The following SLC39A11 variants were observed in gnomAD, a reference collection of about 807,000 sequenced individuals.
The protein encoded by SLC39A11 is solute carrier family 39 member 11.
SLC39A11 carries 33 observed loss-of-function variants against 36.1 expected under a neutral mutation model. That is an observed-to-expected ratio of 0.91 (90% confidence interval 0.69 to 1.22). SLC39A11 has a LOEUF of 1.22. Among genes scored for constraint, SLC39A11 ranks in the 50% most tolerant of loss-of-function variants. The pLI is 0.00. For missense variants in SLC39A11, 432 were observed against 430.3 expected (o/e 1.00, Z -0.03); for synonymous variants, 166 against 170.3 (o/e 0.97, Z 0.20).
chr17:72,995,056 G>A (rs550635919), intron 4 of SLC39A11, among the ~76,000 whole-genome samples: 1 of 152,150 alleles, frequency 6.6e-6, no homozygotes, highest in Non-Finnish European at 1.5e-5. Flanking sequence ...CAGAGAGTTA[G>A]ATTATATATG....
intron 7 of SLC39A11, among the ~76,000 whole-genome samples, chr17:72,677,868 A>G (rs2071341443): frequency 6.6e-6 from 1 of 152,132 alleles, no homozygotes; most frequent in South Asian, 2.1e-4. Context: ...GGAGGGAGAG[A>G]AGGCTACCGA....
At chr17:72,806,628 A>G in intron 6 of SLC39A11, among the ~76,000 whole-genome samples, 1 of 151,918 alleles carries the variant, frequency 6.6e-6, no homozygotes, top group Admixed American at 6.6e-5. Flanking sequence ...TGTCGCCCAG[A>G]CTGGAGTAGA....
chr17:72,652,355 C>T (rs529888714), intron 7 of SLC39A11, among the ~76,000 whole-genome samples: 1 of 152,332 alleles, frequency 6.6e-6, no homozygotes, highest in African/African-American at 2.4e-5. Flanking sequence ...TGCAGTCTGA[C>T]TTCTTCTGTC....
intron 4 of SLC39A11, among the ~76,000 whole-genome samples, chr17:72,971,566 C>T (rs1256762135): frequency 1.3e-5 from 2 of 152,178 alleles, no homozygotes; most frequent in East Asian, 3.8e-4. Flanking sequence ...GAGAGTCTGC[C>T]ATCAGCACTT....
At chr17:72,844,279 A>C (rs1399040590) in intron 6 of SLC39A11, among the ~76,000 whole-genome samples, 2 of 152,176 alleles carry the variant, frequency 1.3e-5, no homozygotes, top group African/African-American at 2.4e-5. Flanking sequence ...GGAGCTGAAG[A>C]CTTGAGGAAT....
At chr17:72,699,035 T>G (rs1462387555) in intron 7 of SLC39A11, among the ~76,000 whole-genome samples, 1 of 152,132 alleles carries the variant, frequency 6.6e-6, no homozygotes, top group Admixed American at 6.5e-5. Context: ...TTCACCATGT[T>G]AGCCAGGATG....
intron 5 of SLC39A11, among the ~76,000 whole-genome samples, chr17:72,894,143 C>G (rs1169931861): frequency 4.6e-5 from 7 of 151,974 alleles, no homozygotes; most frequent in Non-Finnish European, 8.8e-5. Flanking sequence ...GGAAGGATCA[C>G]TTGGGCCCAG....
intron 6 of SLC39A11, among the ~76,000 whole-genome samples, chr17:72,762,454 G>A (rs2075621957): frequency 6.6e-6 from 1 of 152,162 alleles, no homozygotes; most frequent in African/African-American, 2.4e-5. Context: ...GGAACCCTCA[G>A]TTCTGGGAAT....
At chr17:72,973,815 A>C (rs1003145634) in intron 4 of SLC39A11, among the ~76,000 whole-genome samples, 1 of 151,972 alleles carries the variant, frequency 6.6e-6, no homozygotes, top group Non-Finnish European at 1.5e-5. Context: ...CGTACCTCGG[A>C]CTCCCAAAGT....
intron 3 of SLC39A11, among the ~76,000 whole-genome samples, chr17:73,033,667 A>G (rs939346155): frequency 1.3e-5 from 2 of 152,222 alleles, no homozygotes; most frequent in South Asian, 4.1e-4. Context: ...TTTTGGCTAG[A>G]GTACACCCAC....
At chr17:72,861,669 ATATAT>A (rs1456801057) in intron 5 of SLC39A11, among the ~76,000 whole-genome samples, 7 of 111,870 alleles carry the variant, frequency 6.3e-5, no homozygotes, top group Non-Finnish European at 8.8e-5. Context: ...ATATATATAT[ATATAT>A]ATATATATAT....
intron 6 of SLC39A11, among the ~76,000 whole-genome samples, chr17:72,754,026 A>G (rs9709097): frequency 3.1e-4 from 22 of 70,432 alleles, no homozygotes; most frequent in Admixed American, 7.0e-4. Flanking sequence ...ATATGTATAT[A>G]TATATATATA....
intron 7 of SLC39A11, among the ~76,000 whole-genome samples, chr17:72,722,391 T>C (rs2073723008): frequency 6.6e-6 from 1 of 152,140 alleles, no homozygotes; most frequent in Non-Finnish European, 1.5e-5. Flanking sequence ...AGAGTCCAGA[T>C]CATCTTGTCG....
At position 72,771,780 on chromosome 17, in the gene SLC39A11, C is replaced by T. The variant is rs758306994; in HGVS notation, c.602-35061G>A. ...TGATTTTTATCTTTTACATGTCAAACGATCAAGGAAAATGCAACGTCTCAC... is the reference window on the plus strand; with the variant it reads ...TGATTTTTATCTTTTACATGTCAAATGATCAAGGAAAATGCAACGTCTCAC... On this transcript the variant is annotated intron_variant, in intron 6 of 9. Coordinates refer to ENST00000255559, the MANE Select transcript of SLC39A11 (RefSeq NM_139177.4). 4.6e-5 allele frequency among the ~76,000 whole-genome samples: 7 copies of T among 152,132 alleles called. No individual in the cohort carries two copies. The East Asian group carries it at 7.7e-4, about 17-fold the overall frequency.
intron 5 of SLC39A11, among the ~76,000 whole-genome samples, chr17:72,941,255 A>G (rs2085081471): frequency 6.6e-6 from 1 of 152,202 alleles, no homozygotes; most frequent in Non-Finnish European, 1.5e-5. Flanking sequence ...CCTGGGTGAC[A>G]CAGTGAGACT....
intron 3 of SLC39A11, among the ~76,000 whole-genome samples, chr17:73,039,488 A>G (rs2059037388): frequency 6.6e-6 from 1 of 152,226 alleles, no homozygotes; most frequent in Admixed American, 6.5e-5. Flanking sequence ...ATTCTCTGTC[A>G]TCCTTGCTAA....
chr17:72,660,029 A>G (rs904876654), intron 7 of SLC39A11, among the ~76,000 whole-genome samples: 1 of 152,042 alleles, frequency 6.6e-6, no homozygotes, highest in African/African-American at 2.4e-5. Flanking sequence ...TCCCTATACT[A>G]TCTTTGGGAG....
chr17:72,850,109 CTG>C lies in SLC39A11; in HGVS notation c.431-307_431-306del, dbSNP rs568933443. 2.4e-4 allele frequency among the ~76,000 whole-genome samples: 37 copies of C among 152,250 alleles called. 1 individual carries two copies. In the South Asian group the frequency reaches 7.1e-3, roughly 29 times the overall value. ...AACTTCCTGTAGACTATGCATGCTT[CTG>C]TGTGTTCTCTCATTCACTCAGGCAT... On this transcript the variant is annotated intron_variant, in intron 5 of 9. Coordinates refer to ENST00000255559, the MANE Select transcript of SLC39A11 (RefSeq NM_139177.4).
At chr17:72,787,414 C>T (rs2076557972) in intron 6 of SLC39A11, among the ~76,000 whole-genome samples, 1 of 151,942 alleles carries the variant, frequency 6.6e-6, no homozygotes, top group African/African-American at 2.4e-5. Flanking sequence ...CCTGCCACCA[C>T]GCCCGGCTAA....
Sources: gnomAD v4.1 joint callset for allele counts (sites outside exome capture counted in the v4.1 genomes callset) on GRCh38, gnomAD v4.1.1 for gene constraint, MANE v1.5 for transcripts, NCBI Gene and HGNC (gene_info 2026-07-23, HGNC 2026-07-21) for gene names.